Variants in GAS6 observed in about 807,000 individuals in gnomAD.
GAS6 encodes the protein growth arrest specific 6.
Under a neutral mutation model 75.8 loss-of-function variants are expected in GAS6, and 41 were observed. The observed-to-expected ratio is 0.54, with a 90% CI of 0.42 to 0.70. The LOEUF (loss-of-function observed/expected upper bound fraction) is 0.70, where lower values mean the gene tolerates loss of function less well. GAS6 is among the 30% of genes least tolerant of loss of function. The pLI, the probability that GAS6 is intolerant of heterozygous loss-of-function variation, is 0.00. For missense variants in GAS6, 854 were observed against 940.2 expected, an observed-to-expected ratio of 0.91 and a Z score of 1.20; for synonymous variants, 432 against 412.6, an observed-to-expected ratio of 1.05 and a Z score of -0.57.
At chr13:113,854,849 G>GT (rs1011343394) in intron 2 of GAS6, among the ~76,000 whole-genome samples, 32 of 152,248 alleles carry the variant, frequency 2.1e-4, no homozygotes, top group African/African-American at 6.8e-4. Flanking sequence ...ACACGCCACT[G>GT]TTTGCACGTG....
At position 113,834,668 on chromosome 13, in the gene GAS6, C is replaced by T. The variant is rs1267279109; in HGVS notation, c.717G>A (p.Val239=). 1.3e-6 allele frequency: 2 copies of T among 1,566,654 alleles called. No homozygotes were observed. The highest frequency in any genetic ancestry group is 1.7e-6 in the Non-Finnish European group (2 of 1,153,946). The change falls in exon 8 of 15, where the codon GTG becomes GTA. Residue 239 remains valine (V), a synonymous_variant. Transcript: ENST00000327773. ...CACAGCGGCCCTGCAGACACTCGTC[C>T]ACATCTGCCAGCCAGAGGGAAGCGG... ...YSSQEKACRD[V]DECLQGRCEQ...
rs865842829 is a variant in GAS6 at position 113,824,134 on chromosome 13, T to C, written c.1478-584A>G. Among the ~76,000 whole-genome samples the C allele has an allele frequency of 3.1e-3, 263 of 83,922 alleles. 33 individuals are homozygous for C. The highest frequency in any genetic ancestry group is 0.02 in the African/African-American group (219 of 11,180). The allele number at this position is 83,922 out of a possible 152,430, so 55.1% of individuals were successfully genotyped here. A position where few individuals can be genotyped will look rare whatever the true frequency, so the allele number is the denominator to read the frequency against. ...TTCTGAGCTGTCAGGAGCACCGTGG[T>C]CTGGGGTCTGAGCTGTCGGGAGCAC... On this transcript the variant is annotated intron_variant, in intron 12 of 14. Transcript: ENST00000327773.
intron 8 of GAS6, 56 bp downstream of exon 8, chr13:113,834,495 C>G (rs1254131024): frequency 1.4e-6 from 2 of 1,431,562 alleles, no homozygotes; most frequent in Non-Finnish European, 1.8e-6. Flanking sequence ...AAAGCCCCCA[C>G]CGGCGAGGGC....
intron 2 of GAS6, among the ~76,000 whole-genome samples, chr13:113,855,593 C>G (rs7320970): frequency 6.6e-6 from 1 of 152,074 alleles, no homozygotes. Context: ...AGATCCAACG[C>G]GCAGGGGCCT....
In GAS6 at chr13:113,832,772, C is replaced by T. The variant is rs372518196; in HGVS notation, c.835-20G>A. 1.2e-5 allele frequency: 20 copies of T among 1,612,160 alleles called. No homozygotes were observed. Among genetic ancestry groups the T allele is most frequent in the African/African-American group, 5.3e-5 (4 of 74,938 alleles). On this transcript the variant is annotated intron_variant, in intron 8 of 14. Transcript: ENST00000327773. ...GATGTCCTGCCACGGACGGGGGCCA[C>T]GCCGGTCGGGGATGTGGCCTTCACT...
intron 2 of GAS6, among the ~76,000 whole-genome samples, chr13:113,858,284 CTG>C (rs1020326866): frequency 2.6e-5 from 4 of 152,146 alleles, no homozygotes; most frequent in South Asian, 2.1e-4. Context: ...ATTTATGTGA[CTG>C]TGTGTACATG....
At chr13:113,846,749 A>T (rs1332091154) in intron 3 of GAS6, among the ~76,000 whole-genome samples, 160 bp from the exon 4 acceptor site, 1 of 152,220 alleles carries the variant, frequency 6.6e-6, no homozygotes, top group Non-Finnish European at 1.5e-5. Flanking sequence ...AATAAAAAAC[A>T]TGTTAGCCCC....
chr13:113,834,534 G>A lies in GAS6; in HGVS notation c.834+17C>T. The A allele has an allele frequency of 1.3e-6, 2 of 1,536,772 alleles. No homozygotes were observed. The highest frequency in any genetic ancestry group is 1.7e-6 in the Non-Finnish European group (2 of 1,144,516). ...CGGAACCACCGTGAAGGGCCCGCGG[G>A]GCCAGGGGCCGCCTACCTCACAGGT... On this transcript the variant is annotated intron_variant, in intron 8 of 14. Coordinates refer to ENST00000327773, the MANE Select transcript of GAS6 (RefSeq NM_000820.4).
At chr13:113,823,592 G>GA in intron 12 of GAS6, 42 bp from the exon 13 acceptor site, 1 of 1,565,348 alleles carries the variant, frequency 6.4e-7, no homozygotes. Context: ...ATGCACGGTG[G>GA]AGAGGCCACA....
intron 12 of GAS6, among the ~76,000 whole-genome samples, chr13:113,825,345 C>T (rs759659242): frequency 3.3e-4 from 50 of 152,146 alleles, no homozygotes; most frequent in African/African-American, 5.5e-4. Context: ...GAAGGTTTCC[C>T]GGCTCCACGT....
At chr13:113,861,899 G>C (rs1015398976) in intron 2 of GAS6, among the ~76,000 whole-genome samples, 3 of 152,224 alleles carry the variant, frequency 2.0e-5, no homozygotes, top group Admixed American at 6.5e-5. Flanking sequence ...AGCCGACAGA[G>C]GCTGCTGGGG....
chr13:113,834,538 AG>A lies in GAS6; in HGVS notation c.834+12del. 1.3e-6 allele frequency: 2 copies of A among 1,543,960 alleles called. No individual in the cohort carries two copies. Among genetic ancestry groups the A allele is most frequent in the Non-Finnish European group, 8.7e-7 (1 of 1,148,644 alleles). On this transcript the variant is annotated intron_variant, in intron 8 of 14. Coordinates refer to ENST00000327773, the MANE Select transcript of GAS6 (RefSeq NM_000820.4). ...ACCACCGTGAAGGGCCCGCGGGGCC[AG>A]GGGCCGCCTACCTCACAGGTGTCCA...
chr13:113,854,754 T>C (rs1594209068), intron 2 of GAS6, among the ~76,000 whole-genome samples: 1 of 152,178 alleles, frequency 6.6e-6, no homozygotes, highest in African/African-American at 2.4e-5. Context: ...TTGCGGGCCC[T>C]GAGAGAAGCC....
intron 11 of GAS6, 103 bp downstream of exon 11, chr13:113,828,444 G>C (rs2051581896): frequency 8.1e-7 from 1 of 1,238,534 alleles, no homozygotes; most frequent in Non-Finnish European, 1.1e-6. Flanking sequence ...CCTCACACCT[G>C]GTTAATGGTA....
At chr13:113,831,780 AG>A (rs1264491457) in intron 10 of GAS6, among the ~76,000 whole-genome samples, 1 of 141,834 alleles carries the variant, frequency 7.1e-6, no homozygotes, top group East Asian at 2.2e-4. Flanking sequence ...TAAACGGGGC[AG>A]GGGTCCCCGT....
At chr13:113,858,641 T>C (rs199613216) in intron 2 of GAS6, among the ~76,000 whole-genome samples, 5 of 93,766 alleles carry the variant, frequency 5.3e-5, no homozygotes, top group African/African-American at 3.0e-4. Context: ...GTCTGTGTGT[T>C]TGTGACTGTA....
intron 2 of GAS6, among the ~76,000 whole-genome samples, chr13:113,855,679 C>T (rs1357384427): frequency 1.1e-4 from 17 of 152,200 alleles, no homozygotes; most frequent in Admixed American, 1.1e-3. Context: ...CGGCCTCTCC[C>T]ACTGGGCTCC....
At chr13:113,857,557 G>A (rs1332831744) in intron 2 of GAS6, among the ~76,000 whole-genome samples, 1 of 152,124 alleles carries the variant, frequency 6.6e-6, no homozygotes, top group African/African-American at 2.4e-5. Flanking sequence ...AGAAAACAGG[G>A]GAAAATGAAG....
At chr13:113,841,609 A>G (rs1030690174) in intron 4 of GAS6, 2 of 140,056 alleles carry the variant, frequency 1.4e-5, no homozygotes, top group Non-Finnish European at 2.9e-5. Flanking sequence ...CCATATGCCC[A>G]GTTTCCTCCA....
Sources: gnomAD v4.1 joint callset for allele counts (sites outside exome capture counted in the v4.1 genomes callset) on GRCh38, gnomAD v4.1.1 for gene constraint, MANE v1.5 for transcripts, NCBI Gene and HGNC (gene_info 2026-07-23, HGNC 2026-07-21) for gene names.